NFATC3: variants seen among roughly 807,000 people sequenced by gnomAD.
NFATC3 encodes nuclear factor of activated T cells 3.
Under a neutral mutation model 98.6 loss-of-function variants are expected in NFATC3, and 46 were observed. The ratio of observed to expected loss-of-function variants is 0.47; its 90% confidence interval spans 0.37 to 0.60. NFATC3 has a LOEUF of 0.60. NFATC3 is among the 20% of genes least tolerant of loss of function. The probability of loss-of-function intolerance (pLI) is 0.00; values close to 1 mark genes in which losing one functional copy is unlikely to be tolerated. For synonymous variants in NFATC3, 512 were observed against 472.2 expected (o/e 1.08, Z -1.09); for missense variants, 1,256 against 1,295.5 (o/e 0.97, Z 0.47).
intron 1 of NFATC3, chr16:68,086,585 A>T (rs2034391812): frequency 2.1e-6 from 2 of 954,124 alleles, no homozygotes; most frequent in South Asian, 9.7e-5. Context: ...CTCTTTTGTG[A>T]CCTGGTTTGG....
At chr16:68,086,163 GTTTCTTGAAAT>G (rs1363288762) in intron 1 of NFATC3, among the ~76,000 whole-genome samples, 2 of 152,158 alleles carry the variant, frequency 1.3e-5, no homozygotes, top group African/African-American at 4.8e-5. Context: ...ATTCTAGGTC[GTTTCTTGAAAT>G]TTTAGTTTGA....
In NFATC3 at chr16:68,167,810, C is replaced by CTTT. The variant is rs35302776; in HGVS notation, c.1774+832_1774+834dup. Among the ~76,000 whole-genome samples, 40 of 23,918 alleles carry CTTT rather than the reference C, an allele frequency of 1.7e-3. 16 individuals carry two copies. Among genetic ancestry groups the CTTT allele is most frequent in the South Asian group, 4.0e-3 (2 of 500 alleles). 15.7% of individuals were successfully genotyped at this position (23,918 alleles called of 152,430 possible). A position where few individuals can be genotyped will look rare whatever the true frequency, so the allele number is the denominator to read the frequency against. On this transcript the variant is annotated intron_variant, in intron 5 of 9. Transcript: ENST00000346183. ...TTTATATCTGTTAACCGTATGTGTT[C>CTTT]TTTTTTTTTTTTTTTTTTTTTTTTT...
intron 3 of NFATC3, among the ~76,000 whole-genome samples, chr16:68,139,026 A>G (rs1042522590): frequency 4.6e-5 from 7 of 152,192 alleles, no homozygotes; most frequent in African/African-American, 1.7e-4. Context: ...TCACTACGTT[A>G]TAGACAGTAT....
chr16:68,099,328 G>C (rs1196726529), intron 1 of NFATC3, among the ~76,000 whole-genome samples: 1 of 152,084 alleles, frequency 6.6e-6, no homozygotes, highest in African/African-American at 2.4e-5. Context: ...CCAGCTACTC[G>C]GGAGGCTGAG....
chr16:68,130,890 T>C (rs932693591), intron 3 of NFATC3, among the ~76,000 whole-genome samples: 18 of 152,182 alleles, frequency 1.2e-4, no homozygotes, highest in Non-Finnish European at 2.6e-4. Context: ...AGCATAGTTA[T>C]TGAAGAGGAT....
intron 1 of NFATC3, among the ~76,000 whole-genome samples, chr16:68,113,485 A>G (rs1173320095): frequency 6.6e-6 from 1 of 152,250 alleles, no homozygotes; most frequent in Non-Finnish European, 1.5e-5. Flanking sequence ...TCATCCCAGA[A>G]GGCACGGAGC....
At chr16:68,087,112 G>T (rs1287613009) in intron 1 of NFATC3, among the ~76,000 whole-genome samples, 1 of 152,242 alleles carries the variant, frequency 6.6e-6, no homozygotes, top group Non-Finnish European at 1.5e-5. Flanking sequence ...CATTTGTGGA[G>T]AGTGTAGCAT....
chr16:68,160,474 A>G (rs1290925389), intron 4 of NFATC3, among the ~76,000 whole-genome samples: 2 of 152,228 alleles, frequency 1.3e-5, no homozygotes, highest in African/African-American at 4.8e-5. Flanking sequence ...CAAAACAAAA[A>G]ACAAAAAACC....
intron 1 of NFATC3, 35 bp from the exon 2 acceptor site, chr16:68,121,952 G>C: frequency 6.6e-7 from 1 of 1,510,410 alleles, no homozygotes; most frequent in Middle Eastern, 1.8e-4. Context: ...TTCTTGTTTT[G>C]TTGGGTTTTT....
chr16:68,118,787 T>A (rs1230407598), intron 1 of NFATC3, among the ~76,000 whole-genome samples: 1 of 152,216 alleles, frequency 6.6e-6, no homozygotes, highest in African/African-American at 2.4e-5. Context: ...AAGTTTTGGT[T>A]TCTTATCTCA....
chr16:68,094,725 C>G (rs2034915728), intron 1 of NFATC3, among the ~76,000 whole-genome samples: 1 of 152,130 alleles, frequency 6.6e-6, no homozygotes, highest in Non-Finnish European at 1.5e-5. Context: ...CTTCTGTTGA[C>G]TTTTTAATCA....
chr16:68,207,967 T>C (rs1224761499), intron 9 of NFATC3, among the ~76,000 whole-genome samples: 1 of 152,168 alleles, frequency 6.6e-6, no homozygotes, highest in Non-Finnish European at 1.5e-5. Flanking sequence ...TGACTAATGG[T>C]GTTGAGCATC....
chr16:68,129,775 T>C (rs934976222), intron 3 of NFATC3, among the ~76,000 whole-genome samples: 1 of 150,522 alleles, frequency 6.6e-6, no homozygotes, highest in African/African-American at 2.4e-5. Flanking sequence ...ACTCCTAGGA[T>C]CAGGGCATTC....
At chr16:68,176,392 C>G (rs1224266015) in intron 6 of NFATC3, among the ~76,000 whole-genome samples, 17 of 150,924 alleles carry the variant, frequency 1.1e-4, no homozygotes, top group Non-Finnish European at 1.0e-4. Flanking sequence ...ACGATATTGC[C>G]TCTATTCTTT....
chr16:68,206,144 A>C (rs1695658700), intron 9 of NFATC3, among the ~76,000 whole-genome samples: 1 of 152,204 alleles, frequency 6.6e-6, no homozygotes, highest in Non-Finnish European at 1.5e-5. Context: ...AGGGATTTAC[A>C]AAAGTCCTCT....
chr16:68,227,869 C>G lies in NFATC3; in HGVS notation c.*1398C>G, dbSNP rs988435690. 6.6e-6 allele frequency: 1 copy of G among 151,762 alleles called. No homozygotes were observed. Among genetic ancestry groups the G allele is most frequent in the Admixed American group, 6.6e-5 (1 of 15,250 alleles). The allele number at this position is 151,762 out of a possible 1,614,324, so 9.4% of individuals were successfully genotyped here. On this transcript the variant is annotated 3_prime_UTR_variant, in exon 10 of 10. Coordinates refer to ENST00000346183, the MANE Select transcript of NFATC3 (RefSeq NM_173165.3). Reference sequence around the variant, plus strand: ...TTTTTACCTGTTCCTGGGCCCATTACAGAGCCTCTGAAGTTTGCAGTATGC... The same window carrying G: ...TTTTTACCTGTTCCTGGGCCCATTAGAGAGCCTCTGAAGTTTGCAGTATGC...
At chr16:68,126,366 T>C (rs1306152312) in intron 2 of NFATC3, 82 bp from the exon 3 acceptor site, 8 of 1,291,444 alleles carry the variant, frequency 6.2e-6, no homozygotes, top group Non-Finnish European at 8.6e-6. Context: ...GAAGAAATGT[T>C]GGTGCTGGCA....
intron 1 of NFATC3, among the ~76,000 whole-genome samples, chr16:68,092,824 T>G (rs2034801824): frequency 6.6e-6 from 1 of 152,238 alleles, no homozygotes; most frequent in Non-Finnish European, 1.5e-5. Flanking sequence ...CTTCAAAAAT[T>G]GACTTAGCTT....
At chr16:68,129,307 T>C (rs770390489) in intron 3 of NFATC3, among the ~76,000 whole-genome samples, 9 of 152,174 alleles carry the variant, frequency 5.9e-5, no homozygotes, top group Non-Finnish European at 1.2e-4. Flanking sequence ...AAGGGGAGAC[T>C]ACAACTTCTG....
Sources: allele counts gnomAD v4.1 joint callset (sites outside exome capture counted in the v4.1 genomes callset), GRCh38; gene constraint gnomAD v4.1.1; transcripts MANE v1.5; gene names NCBI Gene and HGNC (gene_info 2026-07-23, HGNC 2026-07-21).